CDA: variants seen among roughly 807,000 people sequenced by gnomAD.
CDA encodes cytidine aminohydrolase.
CDA carries 7 observed loss-of-function variants against 15.0 expected under a neutral mutation model. That is an observed-to-expected ratio of 0.47 (90% CI 0.26 to 0.87). CDA has a LOEUF of 0.87. Among genes scored for constraint, CDA ranks in the 40% least tolerant of loss-of-function variants. CDA has a pLI of 0.15. For synonymous variants in CDA, 58 were observed against 73.0 expected, an observed-to-expected ratio of 0.79 and a Z score of 1.05; for missense variants, 159 against 182.7, an observed-to-expected ratio of 0.87 and a Z score of 0.75.
chr1:20,615,490 T>TAAAAC (rs1221705998), intron 3 of CDA, among the ~76,000 whole-genome samples: 5 of 110,554 alleles, frequency 4.5e-5, no homozygotes, highest in Non-Finnish European at 9.7e-5. Context: ...AAAAAAGGAA[T>TAAAAC]AAAACAAAAC....
chr1:20,600,325 G>A (rs2052630579), intron 1 of CDA, among the ~76,000 whole-genome samples: 1 of 152,170 alleles, frequency 6.6e-6, no homozygotes, highest in Non-Finnish European at 1.5e-5. Flanking sequence ...GAAGGGCGGG[G>A]CTGGGAGAGT....
chr1:20,618,811 G>A lies in CDA; in HGVS notation c.*243G>A. 4.0e-6 allele frequency: 2 copies of A among 505,806 alleles called. No individual in the cohort carries two copies. 31.3% of individuals were successfully genotyped at this position (505,806 alleles called of 1,614,324 possible). ...CCTGTGGGCCCTCTTTCAAAGTCCAGCCTAGTCTGGACTGCTTCCCCATCA... is the reference window on the plus strand; with the variant it reads ...CCTGTGGGCCCTCTTTCAAAGTCCAACCTAGTCTGGACTGCTTCCCCATCA... On this transcript the variant is annotated 3_prime_UTR_variant, in exon 4 of 4. Transcript: ENST00000375071.
intron 1 of CDA, among the ~76,000 whole-genome samples, chr1:20,589,712 T>C (rs560270334): frequency 3.9e-5 from 6 of 152,274 alleles, no homozygotes; most frequent in Admixed American, 1.3e-4. Context: ...TACGGAGGTC[T>C]CGAGAGGTGA....
chr1:20,596,150 GA>G (rs984452444), intron 1 of CDA, among the ~76,000 whole-genome samples: 1 of 149,448 alleles, frequency 6.7e-6, no homozygotes, highest in Non-Finnish European at 1.5e-5. Flanking sequence ...ACTCCATCTC[GA>G]AAAAAAAAAT....
At chr1:20,604,078 G>A (rs1034361972) in intron 1 of CDA, among the ~76,000 whole-genome samples, 3 of 152,082 alleles carry the variant, frequency 2.0e-5, no homozygotes, top group African/African-American at 4.8e-5. Context: ...TTGTTAGTTG[G>A]TTTTGACAGT....
chr1:20,609,148 C>T (rs2052722886), intron 2 of CDA, among the ~76,000 whole-genome samples: 1 of 152,152 alleles, frequency 6.6e-6, no homozygotes, highest in African/African-American at 2.4e-5. Context: ...ATCACCTTGT[C>T]CAGGGAGCTA....
chr1:20,592,387 G>T (rs991080344), intron 1 of CDA, among the ~76,000 whole-genome samples: 1 of 152,190 alleles, frequency 6.6e-6, no homozygotes, highest in Non-Finnish European at 1.5e-5. Flanking sequence ...AATGATAGCT[G>T]CTTCTGCTAC....
chr1:20,618,759 G>GC lies in CDA; in HGVS notation c.*196dup, dbSNP rs71734620. ...CTGCCTTGGGACTTAGAACACCGCC[G>GC]CCCCCTGCCCCACCTTTCCTTTCCT... On this transcript the variant is annotated 3_prime_UTR_variant, in exon 4 of 4. Coordinates refer to ENST00000375071, the MANE Select transcript of CDA (RefSeq NM_001785.3). The GC allele has an allele frequency of 0.3, 178,303 of 584,690 alleles. 28,360 individuals are homozygous for GC. The highest frequency in any genetic ancestry group is 0.38 in the African/African-American group (20,649 of 53,762). The allele number at this position is 584,690 out of a possible 1,614,324, so 36.2% of individuals were successfully genotyped here.
In CDA at chr1:20,595,475, C is replaced by T. The variant is rs367639088; in HGVS notation, c.154+6192C>T. Among the ~76,000 whole-genome samples the T allele has an allele frequency of 8.5e-5, 13 of 152,198 alleles. 1 individual carries two copies. The highest frequency in any genetic ancestry group is 3.1e-4 in the African/African-American group (13 of 41,526). On this transcript the variant is annotated intron_variant, in intron 1 of 3. Transcript: ENST00000375071. ...GCAGCTGATGGACCCCAGGCCCCAT[C>T]CCCCCAACACCACAGCATCTCTGGT...
intron 1 of CDA, among the ~76,000 whole-genome samples, chr1:20,590,508 A>G (rs1378292580): frequency 6.6e-6 from 1 of 152,198 alleles, no homozygotes; most frequent in Non-Finnish European, 1.5e-5. Flanking sequence ...AGAATCTTGA[A>G]TGTGGAAATC....
chr1:20,595,788 C>T (rs892282677), intron 1 of CDA, among the ~76,000 whole-genome samples: 1 of 139,040 alleles, frequency 7.2e-6, no homozygotes, highest in Non-Finnish European at 1.5e-5. Flanking sequence ...TGCAATGAGC[C>T]GTGAGCACGC....
intron 1 of CDA, among the ~76,000 whole-genome samples, chr1:20,604,360 C>T (rs1328597715): frequency 6.6e-6 from 1 of 152,156 alleles, no homozygotes; most frequent in African/African-American, 2.4e-5. Flanking sequence ...TTGCTATGTC[C>T]TCATGCGGCA....
intron 1 of CDA, among the ~76,000 whole-genome samples, chr1:20,591,296 G>C (rs182488341): frequency 6.6e-6 from 1 of 151,992 alleles, no homozygotes; most frequent in African/African-American, 2.4e-5. Context: ...AGCCGAGATC[G>C]TGCCACTGCA....
intron 1 of CDA, among the ~76,000 whole-genome samples, chr1:20,591,210 G>A (rs918587648): frequency 1.6e-4 from 24 of 152,070 alleles, no homozygotes; most frequent in African/African-American, 5.8e-4. Context: ...GCGTGGTGAT[G>A]GGTGCCTGTA....
At chr1:20,616,605 C>G (rs546053107) in intron 3 of CDA, among the ~76,000 whole-genome samples, 7 of 152,280 alleles carry the variant, frequency 4.6e-5, no homozygotes, top group Non-Finnish European at 8.8e-5. Context: ...CCCAAGGCCC[C>G]GACGTGGTCC....
rs553151004 is a variant in CDA at position 20,613,580 on chromosome 1, G to T, written c.267-262G>T. Among the ~76,000 whole-genome samples the T allele has an allele frequency of 9.2e-5, 14 of 152,278 alleles. No homozygotes were observed. The South Asian group carries it at 1.2e-3, about 14-fold the overall frequency. On this transcript the variant is annotated intron_variant, in intron 2 of 3. Coordinates refer to ENST00000375071, the MANE Select transcript of CDA (RefSeq NM_001785.3). ...AATTCTCTTTGACCTTTGTATTCCC[G>T]GGTGTGGGTGATGGTAAGTGCTCAG... is the stretch of plus-strand genomic sequence containing the variant.
chr1:20,601,907 T>C (rs2052647672), intron 1 of CDA, among the ~76,000 whole-genome samples: 1 of 152,070 alleles, frequency 6.6e-6, no homozygotes, highest in African/African-American at 2.4e-5. Context: ...GGTAGGTGGA[T>C]CACTTGAGCC....
chr1:20,608,186 C>T (rs866049934), intron 2 of CDA, among the ~76,000 whole-genome samples: 1 of 152,150 alleles, frequency 6.6e-6, no homozygotes, highest in African/African-American at 2.4e-5. Context: ...TTGGCAGGAA[C>T]GTTGAGTAAG....
At chr1:20,605,524 G>A (rs75646402) in intron 2 of CDA, among the ~76,000 whole-genome samples, 1 of 114,106 alleles carries the variant, frequency 8.8e-6, no homozygotes, top group African/African-American at 3.1e-5. Context: ...GCTGAGCGTG[G>A]TGGCGGATGC....
Sources: allele counts gnomAD v4.1 joint callset (sites outside exome capture counted in the v4.1 genomes callset), GRCh38; gene constraint gnomAD v4.1.1; transcripts MANE v1.5; gene names NCBI Gene and HGNC (gene_info 2026-07-23, HGNC 2026-07-21).